Variants in ATP10B observed in about 807,000 individuals in gnomAD.
ATP10B encodes ATPase phospholipid transporting 10B (putative).
In ATP10B, 122 loss-of-function variants were observed where a neutral mutation model predicts 141.2. The ratio of observed to expected loss-of-function variants is 0.86; its 90% confidence interval spans 0.75 to 1.00. ATP10B has a LOEUF of 1.00. Among genes scored for constraint, ATP10B ranks in the 50% least tolerant of loss-of-function variants. The pLI, the probability that ATP10B is intolerant of heterozygous loss-of-function variation, is 0.00. For synonymous variants in ATP10B, 685 were observed against 692.0 expected (o/e 0.99, Z 0.16); for missense variants, 1,876 against 1,825.3 (o/e 1.03, Z -0.51).
intron 1 of ATP10B, among the ~76,000 whole-genome samples, chr5:160,792,318 T>C (rs1561858475): frequency 6.6e-6 from 1 of 152,190 alleles, no homozygotes; most frequent in Admixed American, 6.6e-5. Context: ...TGTGATCTTG[T>C]TCCCCAGTAT....
chr5:160,632,067 A>G, intron 13 of ATP10B, 62 bp downstream of exon 13: 7 of 1,482,276 alleles, frequency 4.7e-6, no homozygotes, highest in Non-Finnish European at 6.4e-6. Context: ...TTCACATTCC[A>G]GAGCACCCTC....
intron 1 of ATP10B, among the ~76,000 whole-genome samples, chr5:160,837,690 G>A (rs1775541925): frequency 6.6e-6 from 1 of 152,092 alleles, no homozygotes; most frequent in African/African-American, 2.4e-5. Flanking sequence ...CACAGGAATT[G>A]CCTTCAGAGC....
chr5:160,839,819 A>G (rs116826383), intron 1 of ATP10B, among the ~76,000 whole-genome samples: 10 of 152,260 alleles, frequency 6.6e-5, no homozygotes, highest in African/African-American at 2.2e-4. Context: ...AATGAAAACA[A>G]TAAGGAAGTA....
chr5:160,924,225 A>C, the ATP10B span, among the ~76,000 whole-genome samples: 2 of 152,222 alleles, frequency 1.3e-5, no homozygotes, highest in Non-Finnish European at 2.9e-5. Context: ...TTCAGGCAAT[A>C]GGAGTTTGGA....
chr5:160,717,117 T>C, intron 2 of ATP10B, 83 bp from the exon 3 acceptor site: 1 of 873,312 alleles, frequency 1.1e-6, no homozygotes, highest in Non-Finnish European at 1.4e-6. Context: ...AAAACAATGC[T>C]ACATATTCTT....
chr5:160,720,511 T>G (rs1225138383), intron 2 of ATP10B, among the ~76,000 whole-genome samples: 1 of 152,248 alleles, frequency 6.6e-6, no homozygotes, highest in Non-Finnish European at 1.5e-5. Context: ...CTCTTACAAC[T>G]TTTCTTATGA....
chr5:160,634,651 C>G, intron 11 of ATP10B, 45 bp from the exon 12 acceptor site: 2 of 1,555,386 alleles, frequency 1.3e-6, no homozygotes, highest in Non-Finnish European at 1.7e-6. Context: ...AGGCAGGTTC[C>G]CTCCCTTGGG....
chr5:160,824,963 CT>C (rs34872515), intron 1 of ATP10B, among the ~76,000 whole-genome samples: 4 of 151,714 alleles, frequency 2.6e-5, no homozygotes, highest in African/African-American at 4.9e-5. Context: ...TCCTTAAACT[CT>C]TTTTTTTAAC....
intron 3 of ATP10B, among the ~76,000 whole-genome samples, chr5:160,701,040 A>G (rs993473237): frequency 6.6e-6 from 1 of 152,026 alleles, no homozygotes; most frequent in Admixed American, 6.6e-5. Flanking sequence ...CTCTGGACCC[A>G]TTGCCACACA....
intron 8 of ATP10B, among the ~76,000 whole-genome samples, chr5:160,648,017 G>A (rs1760416830): frequency 6.6e-6 from 1 of 152,184 alleles, no homozygotes; most frequent in Non-Finnish European, 1.5e-5. Flanking sequence ...GCTCCGCAAT[G>A]TACGGCTATG....
At chr5:160,825,201 T>C (rs922507991) in intron 1 of ATP10B, among the ~76,000 whole-genome samples, 4 of 152,194 alleles carry the variant, frequency 2.6e-5, no homozygotes, top group African/African-American at 9.7e-5. Flanking sequence ...TCGCATGTAA[T>C]AGTTGCTCAG....
the ATP10B span, among the ~76,000 whole-genome samples, chr5:160,880,146 TAA>T: frequency 4.7e-5 from 7 of 147,552 alleles, no homozygotes; most frequent in African/African-American, 1.7e-4. Context: ...ATAGATTACA[TAA>T]TATATATAAA....
intron 1 of ATP10B, among the ~76,000 whole-genome samples, chr5:160,812,147 G>A (rs1444134957): frequency 6.6e-6 from 1 of 151,834 alleles, no homozygotes; most frequent in Non-Finnish European, 1.5e-5. Context: ...ATTCTTCCAG[G>A]TCTTATTCAA....
At chr5:160,625,150 C>T (rs982362357) in intron 13 of ATP10B, among the ~76,000 whole-genome samples, 10 of 152,136 alleles carry the variant, frequency 6.6e-5, no homozygotes, top group African/African-American at 2.2e-4. Context: ...TTGTCTTGCC[C>T]AAGGTCACAC....
chr5:160,715,688 C>CTTTATTTATTTATTTA (rs68128776), intron 3 of ATP10B, among the ~76,000 whole-genome samples: 4,722 of 141,652 alleles, frequency 0.033, 114 homozygotes, highest in East Asian at 0.033. Flanking sequence ...ATTTAGCTTG[C>CTTTATTTATTTATTTA]TTTATTTATT....
At chr5:160,829,926 T>C (rs1774945194) in intron 1 of ATP10B, among the ~76,000 whole-genome samples, 1 of 152,122 alleles carries the variant, frequency 6.6e-6, no homozygotes, top group Non-Finnish European at 1.5e-5. Flanking sequence ...CTTCCTTTCC[T>C]ATCCGGATGC....
chr5:160,815,002 GA>G (rs902482233), intron 1 of ATP10B, among the ~76,000 whole-genome samples: 2 of 152,138 alleles, frequency 1.3e-5, no homozygotes, highest in African/African-American at 4.8e-5. Flanking sequence ...ACATGGAAAG[GA>G]AAAACTGGGA....
At chr5:160,766,857 A>G (rs1422251293) in intron 2 of ATP10B, among the ~76,000 whole-genome samples, 1 of 152,236 alleles carries the variant, frequency 6.6e-6, no homozygotes, top group Non-Finnish European at 1.5e-5. Flanking sequence ...TCATTTTGCT[A>G]CAGATGACTG....
intron 2 of ATP10B, among the ~76,000 whole-genome samples, chr5:160,766,733 C>T (rs542974425): frequency 7.2e-5 from 11 of 152,056 alleles, no homozygotes; most frequent in African/African-American, 2.2e-4. Flanking sequence ...TCCCCCAAAA[C>T]GATTGAATAA....
Sources: allele counts gnomAD v4.1 joint callset (sites outside exome capture counted in the v4.1 genomes callset), GRCh38; gene constraint gnomAD v4.1.1; transcripts MANE v1.5; gene names NCBI Gene and HGNC (gene_info 2026-07-23, HGNC 2026-07-21).